Variants in CC2D1A observed in about 807,000 individuals in gnomAD.
The protein encoded by CC2D1A is coiled-coil and C2 domain-containing protein 1A.
In CC2D1A, 68 loss-of-function variants were observed where a neutral mutation model predicts 123.8. The ratio of observed to expected loss-of-function variants is 0.55; its 90% CI spans 0.45 to 0.67. CC2D1A has a LOEUF of 0.67. Among genes scored for constraint, CC2D1A ranks in the 30% least tolerant of loss-of-function variants. The pLI is 0.00. For missense variants in CC2D1A, 1,185 were observed against 1,290.3 expected, an observed-to-expected ratio of 0.92 and a Z score of 1.25; for synonymous variants, 477 against 528.0, an observed-to-expected ratio of 0.90 and a Z score of 1.32.
In CC2D1A at chr19:13,923,368, C is replaced by G. The variant is rs753640405; in HGVS notation, c.1677C>G (p.Ala559=). 1 of 1,611,530 alleles carries G rather than the reference C, an allele frequency of 6.2e-7. No individual in the cohort carries two copies. Among genetic ancestry groups the G allele is most frequent in the Non-Finnish European group, 8.5e-7 (1 of 1,179,986 alleles). The change falls in exon 15 of 29, where the codon GCC becomes GCG. Residue 559 remains alanine (A), a synonymous_variant. Coordinates refer to ENST00000318003, the MANE Select transcript of CC2D1A (RefSeq NM_017721.5). The surrounding 1 kb of genome is among the most constrained non-coding windows in gnomAD (Gnocchi z 5.3). The part of the protein sequence containing the change: ...PPAPVNKDDF[A]LVQRPGPGLS... ...CCCCTGTCAACAAGGACGACTTTGCCCTGGTCCAGCGGCCTGGCCCGGGTC... is the reference window on the plus strand; with the variant it reads ...CCCCTGTCAACAAGGACGACTTTGCGCTGGTCCAGCGGCCTGGCCCGGGTC...
intron 17 of CC2D1A, among the ~76,000 whole-genome samples, chr19:13,926,000 GTATA>G (rs371488551): frequency 1.7e-4 from 12 of 71,718 alleles, no homozygotes; most frequent in African/African-American, 2.3e-4. Flanking sequence ...ATATATGTGT[GTATA>G]TATATATATA....
chr19:13,908,208 G>C (rs565806422), intron 1 of CC2D1A, among the ~76,000 whole-genome samples: 30 of 152,078 alleles, frequency 2.0e-4, no homozygotes, highest in Non-Finnish European at 2.9e-4. Context: ...GTTTCTCCCT[G>C]TTGGTCAGGC....
chr19:13,907,237 A>G (rs1012156145), intron 1 of CC2D1A, among the ~76,000 whole-genome samples: 1 of 152,004 alleles, frequency 6.6e-6, no homozygotes, highest in African/African-American at 2.4e-5. Flanking sequence ...GGGCAAAAGC[A>G]AGACCCCCGT....
At position 13,926,881 on chromosome 19, in the gene CC2D1A, C is replaced by T. The variant is rs777326433; in HGVS notation, c.2125+9C>T. On this transcript the variant is annotated intron_variant, in intron 20 of 28. Transcript: ENST00000318003. The stretch of plus-strand genomic sequence containing the variant: ...GAACACAGACTCCCCTGGTGAGCCT[C>T]GGCTGGAAGCACCCTACCCCTACTC... 2.5e-6 allele frequency: 4 copies of T among 1,614,006 alleles called. No homozygotes were observed. The South Asian group carries it at 4.4e-5, about 18-fold the overall frequency.
intron 14 of CC2D1A, among the ~76,000 whole-genome samples, chr19:13,922,660 G>A (rs531360710): frequency 6.0e-4 from 92 of 152,214 alleles, no homozygotes; most frequent in African/African-American, 2.2e-3. Flanking sequence ...TCAGCCCCAC[G>A]AGGGCAGGGA....
Position 13,918,205 on chromosome 19 carries a change from C to T in CC2D1A, c.873+11C>T. The T allele has an allele frequency of 6.4e-7, 1 of 1,560,466 alleles. No homozygotes were observed. Among genetic ancestry groups the T allele is most frequent in the Non-Finnish European group, 8.7e-7 (1 of 1,152,334 alleles). ...TTCCGCGTGGCTAAGGTGCGTCCAG[C>T]CTGACGGACAGGACTGGAGGGATGG... On this transcript the variant is annotated intron_variant, in intron 7 of 28. Coordinates refer to ENST00000318003, the MANE Select transcript of CC2D1A (RefSeq NM_017721.5).
intron 6 of CC2D1A, among the ~76,000 whole-genome samples, chr19:13,916,031 G>A (rs533331874): frequency 9.9e-5 from 15 of 152,154 alleles, no homozygotes; most frequent in African/African-American, 2.9e-4. Flanking sequence ...CAAAGCGGGC[G>A]GATCACTTGA....
Position 13,913,238 on chromosome 19 carries a change from C to G in CC2D1A, c.449C>G (p.Ala150Gly). ...GAGAGGCTGGCGCTCTATCAGACAGCAATTGAAAGCGCCAGACAAGCTGGA... is the reference window on the plus strand; with the variant it reads ...GAGAGGCTGGCGCTCTATCAGACAGGAATTGAAAGCGCCAGACAAGCTGGA... ...LQERLALYQT[A>G]IESARQAGDS... The change falls in exon 5 of 29, where the codon GCA (alanine) becomes GGA (glycine). Residue 150 changes from alanine to glycine, a missense_variant. Physicochemically the swap from Ala to Gly is moderately conservative, Grantham distance 60 (BLOSUM62 0). Coordinates refer to ENST00000318003, the MANE Select transcript of CC2D1A (RefSeq NM_017721.5). The G allele has an allele frequency of 2.5e-6, 4 of 1,613,718 alleles. No individual in the cohort carries two copies. The highest frequency in any genetic ancestry group is 3.4e-6 in the Non-Finnish European group (4 of 1,179,914).
chr19:13,909,006 G>C (rs1044570322), intron 1 of CC2D1A, among the ~76,000 whole-genome samples: 1 of 151,010 alleles, frequency 6.6e-6, no homozygotes, highest in Non-Finnish European at 1.5e-5. Flanking sequence ...GCTCACTGCA[G>C]CCTTGATCTC....
chr19:13,920,400 G>T (rs1204590750), intron 12 of CC2D1A, 157 bp from the exon 13 acceptor site: 10 of 623,996 alleles, frequency 1.6e-5, no homozygotes, highest in Non-Finnish European at 2.8e-5. Flanking sequence ...AAAAAAAAAG[G>T]TGTTTGGGGC....
intron 26 of CC2D1A, 54 bp downstream of exon 26, chr19:13,929,714 G>A: frequency 3.2e-6 from 4 of 1,243,746 alleles, no homozygotes; most frequent in East Asian, 5.4e-5. Context: ...GATAGGCATG[G>A]GGGGGGAGGT....
At position 13,923,167 on chromosome 19, in the gene CC2D1A, TG is replaced by T. The variant is rs1971466058; in HGVS notation, c.1642-163del. ...GAGATCCCGCCATTGCACTCCAGCC[TG>T]GGCAACAGAGCGAGACTCCATCTCA... On this transcript the variant is annotated intron_variant, in intron 14 of 28. Coordinates refer to ENST00000318003, the MANE Select transcript of CC2D1A (RefSeq NM_017721.5). This position sits in a 1 kb window ranked among gnomAD's most constrained non-coding sequence, Gnocchi z 5.3. 6.7e-6 allele frequency among the ~76,000 whole-genome samples: 1 copy of T among 149,136 alleles called. No homozygotes were observed. The highest frequency in any genetic ancestry group is 2.1e-4 in the South Asian group (1 of 4,716).
Position 13,927,022 on chromosome 19 carries a change from G to C in CC2D1A, c.2170G>C (p.Gly724Arg). Residue 724 changes from glycine to arginine, a missense_variant, in exon 21 of 29, where the codon GGC (glycine) becomes CGC (arginine). By Grantham distance (125) the Gly-to-Arg change is moderately radical. Coordinates refer to ENST00000318003, the MANE Select transcript of CC2D1A (RefSeq NM_017721.5). ...ACTCTGCATCAACCGCAGCCACCGT[G>C]GCTTCCGAAGGGCCATCCAGACCAA... The part of the protein sequence containing the change: ...FKLCINRSHR[G>R]FRRAIQTKGI... 1 of 1,614,106 alleles carries C rather than the reference G, an allele frequency of 6.2e-7. No homozygotes were observed. The highest frequency in any genetic ancestry group is 8.5e-7 in the Non-Finnish European group (1 of 1,180,030).
At chr19:13,921,249 A>AGTC (rs766962553) in intron 14 of CC2D1A, among the ~76,000 whole-genome samples, 1 of 152,226 alleles carries the variant, frequency 6.6e-6, no homozygotes, top group Non-Finnish European at 1.5e-5. Flanking sequence ...CAGAGCTAGT[A>AGTC]GTCCCTTTTA....
At chr19:13,908,894 CCTCCCTCCCTCT>C (rs1163413869) in intron 1 of CC2D1A, among the ~76,000 whole-genome samples, 2 of 151,752 alleles carry the variant, frequency 1.3e-5, no homozygotes, top group Admixed American at 1.3e-4. Context: ...TTCCCTCCTT[CCTCCCTCCCTCT>C]CTCCCTCCCC....
intron 1 of CC2D1A, among the ~76,000 whole-genome samples, chr19:13,909,269 G>A (rs945715263): frequency 6.6e-6 from 1 of 151,968 alleles, no homozygotes; most frequent in Non-Finnish European, 1.5e-5. Flanking sequence ...CCAGCTACTC[G>A]GGATGTTGAG....
At chr19:13,912,490 A>C in intron 3 of CC2D1A, 38 bp from the exon 4 acceptor site, 1 of 1,614,118 alleles carries the variant, frequency 6.2e-7, no homozygotes, top group East Asian at 2.2e-5. Flanking sequence ...CCCATCCAGC[A>C]GGCCCTTATA....
Position 13,912,375 on chromosome 19 carries a change from C to T in CC2D1A, c.249C>T (p.Asp83=). Residue 83 remains aspartate (D), a synonymous_variant, in exon 3 of 29, where the codon GAC becomes GAT. Transcript: ENST00000318003. ...IEKMASLCMR[D]PDEDEEEGTD... ...AGATGGCCAGCCTGTGCATGAGAGA[C>T]CCGGATGAGGATGAGGAGGAGGGGA... 6.2e-7 allele frequency: 1 copy of T among 1,613,328 alleles called. No individual in the cohort carries two copies. Among genetic ancestry groups the T allele is most frequent in the Non-Finnish European group, 8.5e-7 (1 of 1,179,742 alleles).
chr19:13,925,776 C>T (rs556562639), intron 17 of CC2D1A, among the ~76,000 whole-genome samples: 1 of 150,446 alleles, frequency 6.6e-6, no homozygotes, highest in South Asian at 2.1e-4. Context: ...AAAAATTATC[C>T]AGCAGTGGTG....
Sources: allele counts gnomAD v4.1 joint callset (sites outside exome capture counted in the v4.1 genomes callset), GRCh38; gene constraint gnomAD v4.1.1; non-coding constraint Gnocchi (gnomAD v3.1); transcripts MANE v1.5; gene names NCBI Gene and HGNC (gene_info 2026-07-23, HGNC 2026-07-21).